The following FHIT variants were observed in gnomAD, a reference collection of about 807,000 sequenced individuals.
FHIT encodes bis(5'-adenosyl)-triphosphatase.
FHIT carries 19 observed loss-of-function variants against 17.9 expected under a neutral mutation model. The observed-to-expected ratio is 1.06, with a 90% CI of 0.74 to 1.56. The LOEUF is 1.56. FHIT is among the 40% of genes most tolerant of loss of function. The probability of loss-of-function intolerance (pLI) is 0.00; values close to 1 mark genes in which losing one functional copy is unlikely to be tolerated. For synonymous variants in FHIT, 81 were observed against 69.7 expected (o/e 1.16, Z -0.81); for missense variants, 248 against 189.2 (o/e 1.31, Z -1.82).
At chr3:60,915,759 A>C (rs1706964334) in intron 3 of FHIT, among the ~76,000 whole-genome samples, 1 of 152,190 alleles carries the variant, frequency 6.6e-6, no homozygotes, top group South Asian at 2.1e-4. Context: ...CTGTCAAAAC[A>C]AAAGTCAAGT....
chr3:60,485,577 TCA>T (rs2033802086), intron 5 of FHIT, among the ~76,000 whole-genome samples: 1 of 151,514 alleles, frequency 6.6e-6, no homozygotes, highest in African/African-American at 2.4e-5. Flanking sequence ...CCACATGTTC[TCA>T]CTCATAAGTG....
intron 5 of FHIT, among the ~76,000 whole-genome samples, chr3:60,255,863 A>G (rs1439463496): frequency 1.3e-5 from 2 of 151,454 alleles, no homozygotes; most frequent in African/African-American, 4.9e-5. Context: ...TCAAAAAACA[A>G]AAACAAAAAA....
At chr3:60,450,086 A>T (rs1431681417) in intron 5 of FHIT, among the ~76,000 whole-genome samples, 3 of 151,504 alleles carry the variant, frequency 2.0e-5, no homozygotes, top group East Asian at 1.9e-4. Flanking sequence ...AATGAAGCTT[A>T]CGGGACTAGA....
chr3:60,821,843 A>C (rs1362713738), intron 4 of FHIT, 76 bp downstream of exon 4: 1 of 152,162 alleles, frequency 6.6e-6, no homozygotes, highest in Non-Finnish European at 1.5e-5. Flanking sequence ...GAACATTACT[A>C]CTATTATAAG....
chr3:60,158,362 A>G (rs1283071985), intron 5 of FHIT, among the ~76,000 whole-genome samples: 1 of 151,634 alleles, frequency 6.6e-6, no homozygotes, highest in Non-Finnish European at 1.5e-5. Context: ...CCCAGTCTGG[A>G]GTGCAATGGC....
intron 5 of FHIT, among the ~76,000 whole-genome samples, chr3:60,273,606 C>T (rs906770982): frequency 4.6e-5 from 7 of 151,674 alleles, no homozygotes; most frequent in Admixed American, 2.0e-4. Context: ...AAGACTCCGT[C>T]GTCTCAAAAA....
chr3:60,086,034 T>C (rs191866715), intron 5 of FHIT, among the ~76,000 whole-genome samples: 126 of 152,244 alleles, frequency 8.3e-4, no homozygotes, highest in Admixed American at 2.8e-3. Context: ...AAGTTCAAGA[T>C]TGGGTATCTG....
intron 5 of FHIT, among the ~76,000 whole-genome samples, chr3:60,114,227 C>T (rs1704842511): frequency 6.7e-6 from 1 of 149,840 alleles, no homozygotes; most frequent in Non-Finnish European, 1.5e-5. Context: ...AATTCTGACC[C>T]AGTAAGGTTA....
intron 5 of FHIT, among the ~76,000 whole-genome samples, chr3:60,460,543 C>A (rs1260225207): frequency 6.6e-6 from 1 of 151,892 alleles, no homozygotes; most frequent in Non-Finnish European, 1.5e-5. Context: ...TTAAAAAATC[C>A]CAATAATATT....
At chr3:60,558,954 G>A (rs1036788559) in intron 4 of FHIT, among the ~76,000 whole-genome samples, 1 of 152,108 alleles carries the variant, frequency 6.6e-6, no homozygotes, top group African/African-American at 2.4e-5. Flanking sequence ...CCAGAATCTT[G>A]ACTCTTTCAA....
chr3:59,855,360 CA>C (rs1159332193), intron 8 of FHIT, among the ~76,000 whole-genome samples: 1 of 152,120 alleles, frequency 6.6e-6, no homozygotes, highest in East Asian at 1.9e-4. Flanking sequence ...TCCTGAGTGC[CA>C]GGTTCATCTT....
intron 5 of FHIT, among the ~76,000 whole-genome samples, chr3:60,349,456 G>C (rs184634735): frequency 1.8e-4 from 27 of 152,240 alleles, no homozygotes; most frequent in African/African-American, 4.8e-4. Flanking sequence ...ATGTTTTCTG[G>C]AATGCTTGCT....
chr3:60,725,579 T>C (rs1553709261), intron 4 of FHIT, among the ~76,000 whole-genome samples: 1 of 152,192 alleles, frequency 6.6e-6, no homozygotes, highest in Non-Finnish European at 1.5e-5. Flanking sequence ...CTATACAAAT[T>C]AAGGTAACAG....
At chr3:59,958,173 C>T (rs1684506328) in intron 7 of FHIT, among the ~76,000 whole-genome samples, 1 of 152,188 alleles carries the variant, frequency 6.6e-6, no homozygotes, top group Non-Finnish European at 1.5e-5. Context: ...GGAAAGTAGG[C>T]AGTGTTGAAA....
intron 2 of FHIT, among the ~76,000 whole-genome samples, chr3:61,145,851 T>C (rs150584234): frequency 1.9e-4 from 29 of 152,204 alleles, no homozygotes; most frequent in African/African-American, 6.7e-4. Flanking sequence ...TTTTTGTATA[T>C]TGATCTTGTA....
intron 5 of FHIT, among the ~76,000 whole-genome samples, chr3:60,115,562 T>G (rs1357897430): frequency 6.6e-6 from 1 of 152,182 alleles, no homozygotes; most frequent in Non-Finnish European, 1.5e-5. Context: ...TATCAAAATA[T>G]TTATTCATAG....
intron 5 of FHIT, among the ~76,000 whole-genome samples, chr3:60,268,761 T>G (rs923865416): frequency 6.6e-6 from 1 of 152,144 alleles, no homozygotes; most frequent in Non-Finnish European, 1.5e-5. Context: ...CCTCTGAATA[T>G]GCTTACATGG....
intron 3 of FHIT, among the ~76,000 whole-genome samples, chr3:61,005,030 G>A (rs1380106153): frequency 6.6e-6 from 1 of 152,134 alleles, no homozygotes; most frequent in Non-Finnish European, 1.5e-5. Context: ...AAGAACCAAT[G>A]TTTCCTGGGT....
At chr3:60,459,622 A>T (rs1298663138) in intron 5 of FHIT, among the ~76,000 whole-genome samples, 3 of 152,220 alleles carry the variant, frequency 2.0e-5, no homozygotes, top group African/African-American at 7.2e-5. Context: ...TCTTCTAAAC[A>T]ATAAAGCTGA....
Sources: gnomAD v4.1 joint callset for allele counts (sites outside exome capture counted in the v4.1 genomes callset) on GRCh38, gnomAD v4.1.1 for gene constraint, MANE v1.5 for transcripts, NCBI Gene and HGNC (gene_info 2026-07-23, HGNC 2026-07-21) for gene names.